SHISA9: variants seen among roughly 807,000 people sequenced by gnomAD.
The protein encoded by SHISA9 is shisa family member 9.
Under a neutral mutation model 38.0 loss-of-function variants are expected in SHISA9, and 13 were observed. The ratio of observed to expected loss-of-function variants is 0.34; its 90% CI spans 0.22 to 0.54. SHISA9 has a LOEUF of 0.54. SHISA9 is among the 20% of genes least tolerant of loss of function. The probability of loss-of-function intolerance (pLI) is 0.91; values close to 1 mark genes in which losing one functional copy is unlikely to be tolerated. For missense variants in SHISA9, 538 were observed against 575.8 expected, an observed-to-expected ratio of 0.93 and a Z score of 0.67; for synonymous variants, 275 against 242.0, an observed-to-expected ratio of 1.14 and a Z score of -1.27.
chr16:13,208,689 G>A (rs114919223), intron 3 of SHISA9, among the ~76,000 whole-genome samples: 9 of 152,240 alleles, frequency 5.9e-5, no homozygotes, highest in Non-Finnish European at 8.8e-5. Context: ...TGGCTAAACC[G>A]TATAGGACTT....
the SHISA9 span, among the ~76,000 whole-genome samples, chr16:13,289,194 T>C: frequency 6.6e-6 from 1 of 152,204 alleles, no homozygotes; most frequent in Non-Finnish European, 1.5e-5. Context: ...CTCTCCTCTT[T>C]CTTCTGGCAT....
intron 1 of SHISA9, 75 bp from the exon 2 acceptor site, chr16:12,916,613 C>T: frequency 6.7e-7 from 1 of 1,489,816 alleles, no homozygotes. Context: ...TTGTTCGCGA[C>T]TGCAGTACTC....
At chr16:13,126,031 G>C (rs924933375) in intron 2 of SHISA9, among the ~76,000 whole-genome samples, 2 of 152,142 alleles carry the variant, frequency 1.3e-5, no homozygotes, top group Non-Finnish European at 2.9e-5. Context: ...TTTGCAATTG[G>C]CAGGAGGTGA....
At chr16:13,302,481 C>A in the SHISA9 span, among the ~76,000 whole-genome samples, 1 of 152,216 alleles carries the variant, frequency 6.6e-6, no homozygotes. Context: ...GCAATCAGGC[C>A]CTTAGTTGCA....
chr16:12,994,260 G>A (rs1193256844), intron 2 of SHISA9, among the ~76,000 whole-genome samples: 3 of 152,214 alleles, frequency 2.0e-5, no homozygotes, highest in African/African-American at 7.2e-5. Context: ...TTGGACCAGA[G>A]TGTGAGCCAC....
At chr16:13,490,269 G>T in the SHISA9 span, among the ~76,000 whole-genome samples, 4 of 152,128 alleles carry the variant, frequency 2.6e-5, no homozygotes, top group Non-Finnish European at 4.4e-5. Flanking sequence ...TCGAACAATG[G>T]TGGGAAATGA....
chr16:13,457,584 T>C, the SHISA9 span, among the ~76,000 whole-genome samples: 82,383 of 151,076 alleles, frequency 0.55, 23,276 homozygotes, highest in East Asian at 0.9. Context: ...GACGCCAGCT[T>C]TGTGTAGCCT....
intron 2 of SHISA9, among the ~76,000 whole-genome samples, chr16:13,168,436 T>C (rs990724693): frequency 1.1e-4 from 17 of 152,258 alleles, no homozygotes; most frequent in African/African-American, 3.6e-4. Flanking sequence ...GGAAGCGGCT[T>C]ACATCATTTC....
intron 2 of SHISA9, among the ~76,000 whole-genome samples, chr16:12,946,913 C>G (rs912519741): frequency 6.6e-6 from 1 of 152,268 alleles, no homozygotes; most frequent in African/African-American, 2.4e-5. Context: ...AGAACACAGA[C>G]ACGCTCATTT....
chr16:13,379,994 A>G, the SHISA9 span, among the ~76,000 whole-genome samples: 7 of 152,190 alleles, frequency 4.6e-5, no homozygotes, highest in Admixed American at 3.9e-4. Context: ...AACTAAAAAG[A>G]TAACAATTAT....
At chr16:13,301,361 T>G in the SHISA9 span, among the ~76,000 whole-genome samples, 1 of 152,214 alleles carries the variant, frequency 6.6e-6, no homozygotes, top group South Asian at 2.1e-4. Context: ...TCACTGTGTC[T>G]TGAATGAGGC....
At chr16:13,271,889 C>A in the SHISA9 span, among the ~76,000 whole-genome samples, 3 of 151,896 alleles carry the variant, frequency 2.0e-5, no homozygotes, top group Admixed American at 2.0e-4. Flanking sequence ...CGAGACCAGC[C>A]TGAACAACAT....
chr16:13,193,023 T>A (rs1469171020), intron 2 of SHISA9, among the ~76,000 whole-genome samples: 1 of 152,184 alleles, frequency 6.6e-6, no homozygotes, highest in Admixed American at 6.5e-5. Flanking sequence ...AGTTTTCTCA[T>A]CTGACTGGGA....
chr16:13,212,561 G>T (rs1044745907), intron 3 of SHISA9, among the ~76,000 whole-genome samples: 13 of 152,176 alleles, frequency 8.5e-5, no homozygotes, highest in African/African-American at 2.7e-4. Flanking sequence ...GTAAAGCAAT[G>T]TATTACTCAT....
At chr16:13,345,015 C>A in the SHISA9 span, among the ~76,000 whole-genome samples, 1 of 152,130 alleles carries the variant, frequency 6.6e-6, no homozygotes, top group South Asian at 2.1e-4. Flanking sequence ...GGGAGGCCAA[C>A]CCAGAGTAAT....
the SHISA9 span, among the ~76,000 whole-genome samples, chr16:13,471,672 C>G: frequency 2.2e-5 from 3 of 139,360 alleles, no homozygotes; most frequent in African/African-American, 8.3e-5. Flanking sequence ...ACCTGACCTG[C>G]AGTGGACTTT....
At chr16:13,384,652 G>C in the SHISA9 span, among the ~76,000 whole-genome samples, 1 of 152,198 alleles carries the variant, frequency 6.6e-6, no homozygotes, top group East Asian at 1.9e-4. Context: ...AAGTCCATAG[G>C]TTATGTCTGG....
At chr16:12,950,089 C>T (rs573487549) in intron 2 of SHISA9, among the ~76,000 whole-genome samples, 131 of 152,270 alleles carry the variant, frequency 8.6e-4, no homozygotes, top group Non-Finnish European at 1.6e-3. Flanking sequence ...AAACTTTTTT[C>T]GTTCCTACAT....
At chr16:13,261,156 C>A in the SHISA9 span, among the ~76,000 whole-genome samples, 1 of 152,010 alleles carries the variant, frequency 6.6e-6, no homozygotes, top group Non-Finnish European at 1.5e-5. Flanking sequence ...GGACACAAAC[C>A]GTATCAAATG....
Sources: allele counts gnomAD v4.1 joint callset (sites outside exome capture counted in the v4.1 genomes callset), GRCh38; gene constraint gnomAD v4.1.1; transcripts MANE v1.5; gene names NCBI Gene and HGNC (gene_info 2026-07-23, HGNC 2026-07-21).